Variants in EFNB2 observed in about 807,000 individuals in gnomAD.
The protein encoded by EFNB2 is ephrin B2.
A neutral mutation model predicts 32.1 loss-of-function variants in EFNB2; 5 were observed. The observed-to-expected ratio is 0.16, with a 90% CI of 0.08 to 0.33. EFNB2 has a LOEUF of 0.33. EFNB2 is among the 10% of genes least tolerant of loss of function. The pLI, the probability that EFNB2 is intolerant of heterozygous loss-of-function variation, is 1.00. For missense variants in EFNB2, 263 were observed against 422.6 expected, an observed-to-expected ratio of 0.62 and a Z score of 3.31; for synonymous variants, 168 against 166.5, an observed-to-expected ratio of 1.01 and a Z score of -0.07.
intron 1 of EFNB2, 78 bp downstream of exon 1, chr13:106,534,765 G>T (rs899596950): frequency 3.3e-6 from 5 of 1,499,440 alleles, no homozygotes; most frequent in Non-Finnish European, 4.5e-6. Flanking sequence ...GAGGCCCCGC[G>T]GACTGACCCC....
At chr13:106,499,076 G>C (rs971368695) in intron 2 of EFNB2, among the ~76,000 whole-genome samples, 4 of 152,130 alleles carry the variant, frequency 2.6e-5, no homozygotes, top group Admixed American at 1.3e-4. Flanking sequence ...TAGTACACTG[G>C]TACTAACTGA....
intron 2 of EFNB2, among the ~76,000 whole-genome samples, chr13:106,498,664 TAA>T (rs1203651529): frequency 3.3e-5 from 5 of 151,370 alleles, no homozygotes; most frequent in Admixed American, 3.3e-4. Context: ...TTTCTTGGTT[TAA>T]AAAAAAAGTG....
chr13:106,522,627 A>T (rs899950837), intron 1 of EFNB2, among the ~76,000 whole-genome samples: 3 of 152,232 alleles, frequency 2.0e-5, no homozygotes, highest in African/African-American at 7.2e-5. Context: ...ATCTAGAGTT[A>T]GGGAGAGCAT....
chr13:106,502,839 CG>C (rs1566456666), intron 2 of EFNB2, among the ~76,000 whole-genome samples: 3 of 84,100 alleles, frequency 3.6e-5, no homozygotes, highest in South Asian at 3.2e-4. Context: ...AGTGAAAAGA[CG>C]GAAGAGCAGA....
chr13:106,511,399 T>C (rs1011734980), intron 2 of EFNB2, among the ~76,000 whole-genome samples: 1 of 152,212 alleles, frequency 6.6e-6, no homozygotes, highest in Non-Finnish European at 1.5e-5. Flanking sequence ...GAGGATCACT[T>C]GAGCCCTGGA....
Position 106,493,724 on chromosome 13 carries a change from G to A in EFNB2, c.614-296C>T, listed in dbSNP as rs571651853. ...TTGATCTTGCTTCATCTTCTAACCC[G>A]TGTCAGCCAGCCTGGGGCAGCGGCA... On this transcript the variant is annotated intron_variant, in intron 4 of 4. Transcript: ENST00000646441. The surrounding 1 kb of genome is among the most constrained non-coding windows in gnomAD (Gnocchi z 6.1). 6.6e-6 allele frequency among the ~76,000 whole-genome samples: 1 copy of A among 152,260 alleles called. No homozygotes were observed. The highest frequency in any genetic ancestry group is 2.4e-5 in the African/African-American group (1 of 41,542).
At chr13:106,498,941 A>T (rs1878681073) in intron 2 of EFNB2, among the ~76,000 whole-genome samples, 1 of 152,214 alleles carries the variant, frequency 6.6e-6, no homozygotes, top group Non-Finnish European at 1.5e-5. Context: ...TAATATCAAA[A>T]TAACATCCCA....
At chr13:106,530,071 CAG>C (rs1490811505) in intron 1 of EFNB2, among the ~76,000 whole-genome samples, 1 of 152,188 alleles carries the variant, frequency 6.6e-6, no homozygotes, top group Non-Finnish European at 1.5e-5. Context: ...ACAAGTTAAA[CAG>C]GGGAGGCATG....
intron 1 of EFNB2, among the ~76,000 whole-genome samples, chr13:106,531,462 T>A (rs1879869867): frequency 6.6e-6 from 1 of 152,138 alleles, no homozygotes; most frequent in Non-Finnish European, 1.5e-5. Flanking sequence ...CCGACAAGAT[T>A]AACCCAAACG....
chr13:106,511,140 T>A (rs958324283), intron 2 of EFNB2, among the ~76,000 whole-genome samples: 3 of 152,382 alleles, frequency 2.0e-5, no homozygotes, highest in African/African-American at 7.2e-5. Flanking sequence ...TGCTGCATAC[T>A]TGGCCACCCC....
In EFNB2 at chr13:106,494,933, A is replaced by T. The variant is rs752481170; in HGVS notation, c.561T>A (p.Ala187=). ...TTGTCGAACTTCTTCCATTTGTACC[A>T]GCTTCTAGTTCTGGACGTCTTGTTG... ...KDPTRRPELE[A]GTNGRSSTTS... is the part of the protein sequence containing the mutation. The change falls in exon 4 of 5, where the codon GCT becomes GCA. Residue 187 remains alanine (A), a synonymous_variant. Coordinates refer to ENST00000646441, the MANE Select transcript of EFNB2 (RefSeq NM_004093.4). 1.2e-6 allele frequency: 2 copies of T among 1,614,202 alleles called. No individual in the cohort carries two copies. The highest frequency in any genetic ancestry group is 1.7e-6 in the Non-Finnish European group (2 of 1,180,026).
intron 1 of EFNB2, among the ~76,000 whole-genome samples, chr13:106,529,644 A>G (rs903412057): frequency 6.6e-6 from 1 of 152,192 alleles, no homozygotes; most frequent in Non-Finnish European, 1.5e-5. Context: ...GAGACGTGTC[A>G]TTTCTAACAT....
chr13:106,522,694 T>G (rs183807425), intron 1 of EFNB2, among the ~76,000 whole-genome samples: 30 of 152,180 alleles, frequency 2.0e-4, no homozygotes, highest in African/African-American at 7.2e-4. Context: ...TATTTTTTTT[T>G]AACTACAAAG....
intron 2 of EFNB2, among the ~76,000 whole-genome samples, chr13:106,509,172 AAGC>A (rs1236967109): frequency 2.6e-5 from 4 of 152,216 alleles, no homozygotes; most frequent in Admixed American, 2.6e-4. Flanking sequence ...TAAGCTTAGG[AAGC>A]AGGACTAGCA....
intron 1 of EFNB2, among the ~76,000 whole-genome samples, chr13:106,524,361 A>G (rs144442640): frequency 2.0e-5 from 3 of 152,350 alleles, no homozygotes; most frequent in African/African-American, 7.2e-5. Context: ...AGATTAAAAG[A>G]GGGACCCTGG....
intron 1 of EFNB2, among the ~76,000 whole-genome samples, chr13:106,514,558 C>T (rs926009332): frequency 3.3e-5 from 5 of 152,132 alleles, no homozygotes; most frequent in African/African-American, 4.8e-5. Flanking sequence ...GGCAAGATGC[C>T]GGGCAGTAAG....
intron 2 of EFNB2, among the ~76,000 whole-genome samples, chr13:106,499,905 G>T (rs1175184316): frequency 6.6e-6 from 1 of 152,088 alleles, no homozygotes; most frequent in Non-Finnish European, 1.5e-5. Flanking sequence ...ATTTCCAGTG[G>T]GTAGAGATTA....
intron 1 of EFNB2, among the ~76,000 whole-genome samples, chr13:106,524,798 G>C (rs962206416): frequency 2.0e-5 from 3 of 152,174 alleles, no homozygotes; most frequent in Non-Finnish European, 2.9e-5. Context: ...GGTTAAAAGT[G>C]TTATTAGAAA....
In EFNB2 at chr13:106,493,624, CT is replaced by C. The variant is rs2138896718; in HGVS notation, c.614-197del. ...AGAGGTATCTCTAGGAGGGACTTCC[CT>C]ACCCTCCCAAGCCACAGGGTTTCCT... On this transcript the variant is annotated intron_variant, in intron 4 of 4. Coordinates refer to ENST00000646441, the MANE Select transcript of EFNB2 (RefSeq NM_004093.4). This position sits in a 1 kb window ranked among gnomAD's most constrained non-coding sequence, Gnocchi z 6.1. Among the ~76,000 whole-genome samples the C allele has an allele frequency of 1.3e-5, 2 of 152,298 alleles. No individual in the cohort carries two copies. Among genetic ancestry groups the C allele is most frequent in the African/African-American group, 4.8e-5 (2 of 41,558 alleles).
Sources: allele counts gnomAD v4.1 joint callset (sites outside exome capture counted in the v4.1 genomes callset), GRCh38; gene constraint gnomAD v4.1.1; non-coding constraint Gnocchi (gnomAD v3.1); transcripts MANE v1.5; gene names NCBI Gene and HGNC (gene_info 2026-07-23, HGNC 2026-07-21).